The following NXPE4 variants were observed in gnomAD, a reference collection of about 807,000 sequenced individuals.
NXPE4 encodes NXPE family member 4.
In NXPE4, 42 loss-of-function variants were observed where a neutral mutation model predicts 33.3. That is an observed-to-expected ratio of 1.26 (90% CI 0.98 to 1.63). NXPE4 has a LOEUF of 1.63. Ranked by LOEUF, NXPE4 falls within the 40% of genes most tolerant of loss-of-function variation. The probability of loss-of-function intolerance (pLI) is 0.00; values close to 1 mark genes in which losing one functional copy is unlikely to be tolerated. For synonymous variants in NXPE4, 253 were observed against 234.9 expected (o/e 1.08, Z -0.71); for missense variants, 709 against 647.6 (o/e 1.09, Z -1.03).
chr11:114,674,592 T>A, the NXPE4 span, among the ~76,000 whole-genome samples: 1 of 147,120 alleles, frequency 6.8e-6, no homozygotes, highest in African/African-American at 2.5e-5. Context: ...AAAAATCAAA[T>A]CACAAAAGAA....
At chr11:114,671,681 T>A in the NXPE4 span, among the ~76,000 whole-genome samples, 4 of 151,882 alleles carry the variant, frequency 2.6e-5, no homozygotes, top group Non-Finnish European at 4.4e-5. Flanking sequence ...GTCAACAGAG[T>A]GTTTTATCTA....
At chr11:114,603,234 T>C in the NXPE4 span, among the ~76,000 whole-genome samples, 3 of 151,704 alleles carry the variant, frequency 2.0e-5, no homozygotes, top group African/African-American at 7.3e-5. Flanking sequence ...GGATGATAAG[T>C]ATTGCCTCGT....
At chr11:114,571,499 A>C (rs2135169805) in intron 5 of NXPE4, 26 bp from the exon 6 acceptor site, 2 of 1,558,664 alleles carry the variant, frequency 1.3e-6, no homozygotes, top group South Asian at 2.4e-5. Flanking sequence ...CAATCCCAAA[A>C]TAAAAGGAGG....
the NXPE4 span, among the ~76,000 whole-genome samples, chr11:114,627,662 C>T: frequency 6.6e-6 from 1 of 151,658 alleles, no homozygotes; most frequent in Non-Finnish European, 1.5e-5. Context: ...CAAATTCACA[C>T]ATAACAATAT....
chr11:114,649,180 G>A, the NXPE4 span, among the ~76,000 whole-genome samples: 1 of 151,012 alleles, frequency 6.6e-6, no homozygotes, highest in Admixed American at 6.6e-5. Context: ...ACTTTTGAAG[G>A]GTCTGGACCA....
At chr11:114,616,882 T>C in the NXPE4 span, among the ~76,000 whole-genome samples, 5 of 151,880 alleles carry the variant, frequency 3.3e-5, 1 homozygote, top group African/African-American at 1.2e-4. Flanking sequence ...TGTTACCCGC[T>C]GGATACTAGG....
chr11:114,617,189 G>A, the NXPE4 span, among the ~76,000 whole-genome samples: 1 of 151,758 alleles, frequency 6.6e-6, no homozygotes, highest in African/African-American at 2.4e-5. Context: ...AATAAGTGTT[G>A]TCTTGTTGGT....
At chr11:114,611,565 T>C in the NXPE4 span, among the ~76,000 whole-genome samples, 1 of 151,892 alleles carries the variant, frequency 6.6e-6, no homozygotes, top group Non-Finnish European at 1.5e-5. Context: ...GTAACCAGTA[T>C]TACCTGCTGG....
At chr11:114,597,501 G>C (rs1949587826), upstream of NXPE4, among the ~76,000 whole-genome samples, 1 of 152,162 alleles carries the variant, frequency 6.6e-6, no homozygotes, top group African/African-American at 2.4e-5. Flanking sequence ...TCAGTTTTTT[G>C]ATGGATAAAT....
At chr11:114,581,129 G>C (rs1949135379) in intron 4 of NXPE4, among the ~76,000 whole-genome samples, 1 of 152,114 alleles carries the variant, frequency 6.6e-6, no homozygotes, top group Admixed American at 6.5e-5. Flanking sequence ...TGATTAGCAA[G>C]GTTTTAATGC....
At chr11:114,676,027 T>C in the NXPE4 span, among the ~76,000 whole-genome samples, 1 of 151,970 alleles carries the variant, frequency 6.6e-6, no homozygotes, top group Non-Finnish European at 1.5e-5. Flanking sequence ...TAAATGGTGC[T>C]GACAGAACTG....
chr11:114,659,655 T>A, the NXPE4 span, among the ~76,000 whole-genome samples: 1 of 152,018 alleles, frequency 6.6e-6, no homozygotes, highest in African/African-American at 2.4e-5. Flanking sequence ...TATCAAAATA[T>A]GGGGATGCAG....
At chr11:114,607,147 C>A in the NXPE4 span, among the ~76,000 whole-genome samples, 3 of 151,712 alleles carry the variant, frequency 2.0e-5, no homozygotes, top group Non-Finnish European at 4.4e-5. Context: ...TCTTGGGTAA[C>A]CAGTATTACC....
At chr11:114,674,842 G>T in the NXPE4 span, among the ~76,000 whole-genome samples, 1 of 151,598 alleles carries the variant, frequency 6.6e-6, no homozygotes, top group Non-Finnish European at 1.5e-5. Flanking sequence ...AGACAAGGAC[G>T]CTAGGAGAAA....
chr11:114,643,510 C>G, the NXPE4 span, among the ~76,000 whole-genome samples: 902 of 151,870 alleles, frequency 5.9e-3, 5 homozygotes, highest in African/African-American at 0.02. Context: ...TTATTAAATA[C>G]GGAATCCTTT....
chr11:114,571,018 C>T lies in NXPE4; in HGVS notation c.1555G>A (p.Ala519Thr). 2 of 1,613,126 alleles carry T rather than the reference C, an allele frequency of 1.2e-6. No individual in the cohort carries two copies. The highest frequency in any genetic ancestry group is 1.7e-6 in the Non-Finnish European group (2 of 1,179,212). The change falls in exon 6 of 6, where the codon GCA (alanine) becomes ACA (threonine). Residue 519 changes from alanine to threonine, a missense_variant. Transcript: ENST00000375478. Reference sequence around the variant, plus strand: ...GGGTGTACATTATTTGTGCCATATGCAATTGTTATATCCCAGGCATCAATG... The same window carrying T: ...GGGTGTACATTATTTGTGCCATATGTAATTGTTATATCCCAGGCATCAATG... ...SIIDAWDITIAYGTNNVHPPQ... is the reference protein window; with the variant it reads ...SIIDAWDITITYGTNNVHPPQ...
At chr11:114,613,276 C>T in the NXPE4 span, among the ~76,000 whole-genome samples, 1 of 151,736 alleles carries the variant, frequency 6.6e-6, no homozygotes, top group African/African-American at 2.4e-5. Flanking sequence ...TCACAGGTAA[C>T]CACTGTTACT....
chr11:114,586,616 C>T (rs561989135), intron 2 of NXPE4, among the ~76,000 whole-genome samples: 1 of 152,220 alleles, frequency 6.6e-6, no homozygotes, highest in East Asian at 1.9e-4. Flanking sequence ...TACAGAGAGC[C>T]TTGCTGTCAT....
chr11:114,651,014 A>T, the NXPE4 span, among the ~76,000 whole-genome samples: 2 of 152,156 alleles, frequency 1.3e-5, no homozygotes, highest in African/African-American at 2.4e-5. Context: ...GCACAAGGCA[A>T]CAAAGAATTT....
Sources: gnomAD v4.1 joint callset for allele counts (sites outside exome capture counted in the v4.1 genomes callset) on GRCh38, gnomAD v4.1.1 for gene constraint, MANE v1.5 for transcripts, NCBI Gene and HGNC (gene_info 2026-07-23, HGNC 2026-07-21) for gene names.